Variants in ARHGEF11 observed in about 807,000 individuals in gnomAD.
ARHGEF11 encodes the protein Rho guanine nucleotide exchange factor 11, also known as Rho guanine exchange factor (GEF) 11.
ARHGEF11 carries 55 observed loss-of-function variants against 193.7 expected under a neutral mutation model. The observed-to-expected ratio is 0.28, with a 90% CI of 0.23 to 0.36. ARHGEF11 has a LOEUF of 0.36. ARHGEF11 is among the 10% of genes least tolerant of loss of function. The pLI is 1.00. For synonymous variants in ARHGEF11, 693 were observed against 768.0 expected, an observed-to-expected ratio of 0.90 and a Z score of 1.62; for missense variants, 1,723 against 2,005.6, an observed-to-expected ratio of 0.86 and a Z score of 2.69.
At chr1:157,034,800 A>G (rs1671710422) in intron 1 of ARHGEF11, among the ~76,000 whole-genome samples, 2 of 152,226 alleles carry the variant, frequency 1.3e-5, no homozygotes, top group African/African-American at 4.8e-5. Context: ...ATTCTGCTAG[A>G]ACTTTTACAC....
upstream of ARHGEF11, among the ~76,000 whole-genome samples, chr1:157,046,842 C>CT (rs940390126): frequency 6.6e-6 from 1 of 151,680 alleles, no homozygotes; most frequent in Non-Finnish European, 1.5e-5. Context: ...AAACCCCCCC[C>CT]CTCTACTAAA....
chr1:157,026,079 T>C (rs1670597574), intron 1 of ARHGEF11, among the ~76,000 whole-genome samples: 1 of 152,186 alleles, frequency 6.6e-6, no homozygotes, highest in Non-Finnish European at 1.5e-5. Context: ...GAAAATAAAA[T>C]GAAGCCAATT....
rs1052983893 is a variant in ARHGEF11 at position 156,946,582 on chromosome 1, G to T, written c.2694+80C>A. ...AGTTGCTGTAGACAGGGATGATGTG[G>T]CCAGAAGGAGAGAAGTTCAGGAGAT... On this transcript the variant is annotated intron_variant, in intron 28 of 40. Transcript: ENST00000368194. 97 of 1,595,660 alleles carry T rather than the reference G, an allele frequency of 6.1e-5. No homozygotes were observed. In the East Asian group the frequency reaches 2.2e-3, roughly 36 times the overall value.
intron 1 of ARHGEF11, among the ~76,000 whole-genome samples, chr1:157,023,506 C>T (rs1321697510): frequency 6.6e-6 from 1 of 152,104 alleles, no homozygotes; most frequent in African/African-American, 2.4e-5. Context: ...TGGCTCACGC[C>T]TGTAATCTCA....
At chr1:157,022,080 C>G (rs1278391072) in intron 1 of ARHGEF11, among the ~76,000 whole-genome samples, 3 of 152,226 alleles carry the variant, frequency 2.0e-5, no homozygotes, top group Non-Finnish European at 4.4e-5. Flanking sequence ...CCAAAGCTAT[C>G]ATACTTAATG....
chr1:156,952,428 G>A (rs1157455489), intron 21 of ARHGEF11, among the ~76,000 whole-genome samples: 2 of 152,216 alleles, frequency 1.3e-5, no homozygotes, highest in African/African-American at 4.8e-5. Context: ...CAGGAGGGAA[G>A]AGAGATAAGG....
At chr1:156,961,197 A>T (rs920868595) in intron 14 of ARHGEF11, among the ~76,000 whole-genome samples, 2 of 152,242 alleles carry the variant, frequency 1.3e-5, no homozygotes, top group African/African-American at 2.4e-5. Context: ...CTCTGTCCCA[A>T]TGCACAGCGT....
At chr1:156,984,506 A>G in intron 2 of ARHGEF11, 69 bp from the exon 3 acceptor site, 1 of 1,165,300 alleles carries the variant, frequency 8.6e-7, no homozygotes, top group East Asian at 2.6e-5. Context: ...GCCAAGACCA[A>G]CCCAGGGAAG....
chr1:156,968,205 T>A, intron 10 of ARHGEF11, 81 bp from the exon 11 acceptor site: 3 of 1,477,684 alleles, frequency 2.0e-6, no homozygotes, highest in Non-Finnish European at 2.7e-6. Flanking sequence ...TTGGTGGTGA[T>A]AACCATACTT....
At chr1:156,974,395 C>A (rs1255794114) in intron 7 of ARHGEF11, among the ~76,000 whole-genome samples, 1 of 152,160 alleles carries the variant, frequency 6.6e-6, no homozygotes, top group Non-Finnish European at 1.5e-5. Context: ...GTTCTATTAA[C>A]AGCAGACTGA....
intron 1 of ARHGEF11, among the ~76,000 whole-genome samples, chr1:156,994,884 T>C (rs1289864748): frequency 6.6e-6 from 1 of 152,146 alleles, no homozygotes; most frequent in African/African-American, 2.4e-5. Context: ...CAAATCACCT[T>C]CACTGACACC....
chr1:156,966,300 C>G (rs1319408199), intron 11 of ARHGEF11, among the ~76,000 whole-genome samples: 1 of 152,226 alleles, frequency 6.6e-6, no homozygotes, highest in African/African-American at 2.4e-5. Context: ...AAGTAGCTTT[C>G]AAACTTTCTG....
intron 17 of ARHGEF11, among the ~76,000 whole-genome samples, chr1:156,958,401 C>T (rs1660277888): frequency 6.6e-6 from 1 of 152,218 alleles, no homozygotes; most frequent in East Asian, 1.9e-4. Context: ...ACACACATCA[C>T]TGGCCTCACT....
intron 7 of ARHGEF11, among the ~76,000 whole-genome samples, chr1:156,974,409 C>T (rs1184387660): frequency 6.6e-6 from 1 of 152,152 alleles, no homozygotes; most frequent in Non-Finnish European, 1.5e-5. Context: ...AGACTGAATC[C>T]AACTCAAGCA....
upstream of ARHGEF11, among the ~76,000 whole-genome samples, chr1:157,046,619 T>C (rs959246783): frequency 6.6e-6 from 1 of 152,030 alleles, no homozygotes; most frequent in Non-Finnish European, 1.5e-5. Flanking sequence ...GGCATCTTAA[T>C]AGCAGGCTGT....
chr1:156,969,990 G>C lies in ARHGEF11; in HGVS notation c.748+8C>G. Reference sequence around the variant, plus strand: ...TGCCAGAGAAAAAAGGGGTGATGGGGGACTTACCTTCTGATGGTCTCTGGC... The same window carrying C: ...TGCCAGAGAAAAAAGGGGTGATGGGCGACTTACCTTCTGATGGTCTCTGGC... On this transcript the variant is annotated splice_region_variant and intron_variant, in intron 9 of 40. Coordinates refer to ENST00000368194, the MANE Select transcript of ARHGEF11 (RefSeq NM_198236.3). 6.2e-7 allele frequency: 1 copy of C among 1,613,862 alleles called. No homozygotes were observed. The highest frequency in any genetic ancestry group is 8.5e-7 in the Non-Finnish European group (1 of 1,179,814).
At chr1:157,044,147 G>C (rs973455525) in intron 1 of ARHGEF11, 152 bp downstream of exon 1, 1 of 727,256 alleles carries the variant, frequency 1.4e-6, no homozygotes, top group African/African-American at 1.8e-5. Context: ...TAACCACATA[G>C]GCTGACAGTC....
intron 18 of ARHGEF11, 41 bp downstream of exon 18, chr1:156,957,751 C>T: frequency 6.2e-7 from 1 of 1,608,744 alleles, no homozygotes; most frequent in South Asian, 1.1e-5. Context: ...CCCACTCCTT[C>T]CACCTTGAAA....
chr1:157,017,122 G>A (rs575599233), intron 1 of ARHGEF11, among the ~76,000 whole-genome samples: 7 of 152,254 alleles, frequency 4.6e-5, no homozygotes, highest in South Asian at 2.1e-4. Flanking sequence ...TCAGGATGGC[G>A]AAGAGGTGGA....
Sources: allele counts gnomAD v4.1 joint callset (sites outside exome capture counted in the v4.1 genomes callset), GRCh38; gene constraint gnomAD v4.1.1; transcripts MANE v1.5; gene names NCBI Gene and HGNC (gene_info 2026-07-23, HGNC 2026-07-21).